Variants in NTRK3 observed in about 807,000 individuals in gnomAD.
NTRK3 encodes the protein neurotrophic receptor tyrosine kinase 3, also known as NT-3 growth factor receptor.
In NTRK3, 24 loss-of-function variants were observed where a neutral mutation model predicts 91.7. The ratio of observed to expected loss-of-function variants is 0.26; its 90% CI spans 0.19 to 0.37. The LOEUF is 0.37. Among genes scored for constraint, NTRK3 ranks in the 10% least tolerant of loss-of-function variants. The probability of loss-of-function intolerance (pLI) is 1.00; values close to 1 mark genes in which losing one functional copy is unlikely to be tolerated. For synonymous variants in NTRK3, 483 were observed against 404.0 expected (o/e 1.20, Z -2.34); for missense variants, 880 against 1,068.9 (o/e 0.82, Z 2.46).
intron 13 of NTRK3, among the ~76,000 whole-genome samples, chr15:88,107,234 G>A (rs2050815761): frequency 6.6e-6 from 1 of 152,074 alleles, no homozygotes; most frequent in South Asian, 2.1e-4. Context: ...TTTGAGCTCA[G>A]GAGTTCAGGA....
exon 13 of NTRK3, chr15:88,126,291 C>A: frequency 6.2e-7 from 1 of 1,613,610 alleles, no homozygotes; most frequent in Non-Finnish European, 8.5e-7. Context: ...AAATTTGGAC[C>A]GTCGACCATA....
At chr15:87,973,462 A>G (rs960657530) in intron 14 of NTRK3, among the ~76,000 whole-genome samples, 7 of 152,168 alleles carry the variant, frequency 4.6e-5, no homozygotes, top group Non-Finnish European at 8.8e-5. Context: ...GGGTTGAAGA[A>G]GGAGTCTTAT....
At chr15:88,110,139 G>A (rs2051168456) in intron 13 of NTRK3, among the ~76,000 whole-genome samples, 1 of 152,110 alleles carries the variant, frequency 6.6e-6, no homozygotes, top group African/African-American at 2.4e-5. Context: ...ATGAGCCCCA[G>A]TAGGATGACT....
At chr15:88,197,765 C>T (rs2047957253) in intron 3 of NTRK3, among the ~76,000 whole-genome samples, 1 of 152,222 alleles carries the variant, frequency 6.6e-6, no homozygotes, top group Non-Finnish European at 1.5e-5. Flanking sequence ...AATAAAACAT[C>T]AAGCTACTCC....
intron 13 of NTRK3, among the ~76,000 whole-genome samples, chr15:88,106,273 C>A (rs2050701034): frequency 6.6e-6 from 1 of 152,210 alleles, no homozygotes; most frequent in African/African-American, 2.4e-5. Context: ...GCTCCCTGAA[C>A]AAAGCCGAGC....
intron 14 of NTRK3, among the ~76,000 whole-genome samples, chr15:88,013,575 C>T (rs895881778): frequency 1.3e-5 from 2 of 152,168 alleles, no homozygotes; most frequent in East Asian, 3.8e-4. Flanking sequence ...AACATGAAAG[C>T]AGCCTGGGAA....
At chr15:87,997,283 T>C (rs1320259906) in intron 14 of NTRK3, among the ~76,000 whole-genome samples, 2 of 152,184 alleles carry the variant, frequency 1.3e-5, no homozygotes, top group African/African-American at 4.8e-5. Context: ...AAATGCGAGC[T>C]GTAAACAATA....
At chr15:87,880,190 T>C (rs2141463829) in intron 18 of NTRK3, 80 bp downstream of exon 19, 1 of 1,565,092 alleles carries the variant, frequency 6.4e-7, no homozygotes, top group Non-Finnish European at 8.8e-7. Context: ...TAATGTCTTG[T>C]TCAGTAGGTC....
intron 17 of NTRK3, among the ~76,000 whole-genome samples, chr15:87,883,865 A>C (rs2141497263): frequency 6.6e-6 from 1 of 151,498 alleles, no homozygotes; most frequent in East Asian, 1.9e-4. Flanking sequence ...ACAATAACTA[A>C]AGTCCTATTT....
At chr15:88,064,675 C>T (rs551734269) in intron 13 of NTRK3, among the ~76,000 whole-genome samples, 4 of 152,266 alleles carry the variant, frequency 2.6e-5, no homozygotes, top group South Asian at 2.1e-4. Flanking sequence ...CAGTCCAGAG[C>T]GAGAGGGTGG....
chr15:88,043,039 A>C (rs1404135561), intron 13 of NTRK3, among the ~76,000 whole-genome samples: 6 of 152,210 alleles, frequency 3.9e-5, no homozygotes, highest in Non-Finnish European at 7.3e-5. Context: ...TTGTTTAGGA[A>C]AGAAGCCCAT....
intron 17 of NTRK3, among the ~76,000 whole-genome samples, chr15:87,886,699 T>TATAC (rs1265075771): frequency 2.2e-5 from 3 of 138,480 alleles, no homozygotes; most frequent in African/African-American, 8.2e-5. Context: ...TATATATATA[T>TATAC]ACATATATAC....
intron 5 of NTRK3, among the ~76,000 whole-genome samples, chr15:88,174,995 A>G (rs1316089660): frequency 6.6e-6 from 1 of 152,210 alleles, no homozygotes; most frequent in African/African-American, 2.4e-5. Flanking sequence ...TTTCCCTGTA[A>G]TAACATCTCT....
chr15:88,042,507 C>T (rs1425371196), intron 13 of NTRK3, among the ~76,000 whole-genome samples: 1 of 152,196 alleles, frequency 6.6e-6, no homozygotes, highest in African/African-American at 2.4e-5. Context: ...AAGGCCTGCC[C>T]TCCGCACTTC....
chr15:88,176,685 T>C (rs938910221), intron 5 of NTRK3, among the ~76,000 whole-genome samples: 2 of 152,194 alleles, frequency 1.3e-5, no homozygotes, highest in African/African-American at 4.8e-5. Context: ...CTAGAGTCAC[T>C]TGTACATGCA....
At chr15:87,996,984 C>G (rs406882) in intron 14 of NTRK3, among the ~76,000 whole-genome samples, 1 of 152,228 alleles carries the variant, frequency 6.6e-6, no homozygotes, top group Non-Finnish European at 1.5e-5. Context: ...CCTAGCAGCC[C>G]TGTTTCCTCT....
intron 13 of NTRK3, among the ~76,000 whole-genome samples, chr15:88,119,761 C>T (rs1335089765): frequency 6.6e-6 from 1 of 152,222 alleles, no homozygotes; most frequent in Non-Finnish European, 1.5e-5. Context: ...AATTCCTTTA[C>T]CCAGTTTCAT....
intron 5 of NTRK3, among the ~76,000 whole-genome samples, chr15:88,159,293 C>T (rs750699067): frequency 1.1e-4 from 16 of 152,314 alleles, no homozygotes; most frequent in South Asian, 2.1e-4. Context: ...ATTAGGCCAA[C>T]GCTGCATCCA....
chr15:88,126,332 C>A, exon 13 of NTRK3: 3 of 1,614,056 alleles, frequency 1.9e-6, no homozygotes, highest in African/African-American at 2.7e-5. Context: ...GAACCACCAA[C>A]AGGACACAGG....
Sources: gnomAD v4.1 joint callset for allele counts (sites outside exome capture counted in the v4.1 genomes callset) on GRCh38, gnomAD v4.1.1 for gene constraint, MANE v1.5 for transcripts, NCBI Gene and HGNC (gene_info 2026-07-23, HGNC 2026-07-21) for gene names.